CSMD3: variants seen among roughly 807,000 people sequenced by gnomAD.
The protein encoded by CSMD3 is CUB and sushi domain-containing protein 3.
A neutral mutation model predicts 435.2 loss-of-function variants in CSMD3; 177 were observed. The observed-to-expected ratio is 0.41, with a 90% CI of 0.36 to 0.46. CSMD3 has a LOEUF of 0.46. Ranked by LOEUF, CSMD3 falls within the 20% of genes least tolerant of loss-of-function variation. CSMD3 has a pLI of 0.34. For missense variants in CSMD3, 4,265 were observed against 4,504.6 expected, an observed-to-expected ratio of 0.95 and a Z score of 1.52; for synonymous variants, 1,656 against 1,520.5, an observed-to-expected ratio of 1.09 and a Z score of -2.07.
chr8:112,314,237 T>A (rs1329280487), intron 48 of CSMD3, among the ~76,000 whole-genome samples, 185 bp from the exon 49 acceptor site: 1 of 152,130 alleles, frequency 6.6e-6, no homozygotes, highest in African/African-American at 2.4e-5. Flanking sequence ...CTAAATGATG[T>A]ATAATTTGTA....
intron 10 of CSMD3, among the ~76,000 whole-genome samples, chr8:112,890,106 T>C (rs2081738959): frequency 6.6e-6 from 1 of 151,736 alleles, no homozygotes; most frequent in Non-Finnish European, 1.5e-5. Flanking sequence ...AGTAGTATAC[T>C]GTATTCAGTT....
chr8:113,080,012 G>A (rs2089492939), intron 5 of CSMD3, among the ~76,000 whole-genome samples: 1 of 151,970 alleles, frequency 6.6e-6, no homozygotes, highest in Non-Finnish European at 1.5e-5. Flanking sequence ...AACTTGCATG[G>A]CACCTTCTGC....
chr8:112,337,642 A>G lies in CSMD3; in HGVS notation c.6742T>C (p.Phe2248Leu). Residue 2248 changes from phenylalanine to leucine, a missense_variant, in exon 43 of 71, where the codon TTT (phenylalanine) becomes CTT (leucine). Phe to Leu is a conservative substitution (Grantham distance 22). Coordinates refer to ENST00000297405, the MANE Select transcript of CSMD3 (RefSeq NM_198123.2). ...AATGTGTATCCTGGGAAACATTCAA[A>G]TGAAATGGTTTGACCCACAGTAAAA... ...NDFTVGQTISFECFPGYTLIG... is the reference protein window; with the variant it reads ...NDFTVGQTISLECFPGYTLIG... 1 of 1,613,444 alleles carries G rather than the reference A, an allele frequency of 6.2e-7. No individual in the cohort carries two copies. Among genetic ancestry groups the G allele is most frequent in the Non-Finnish European group, 8.5e-7 (1 of 1,179,356 alleles).
chr8:112,953,665 ATAAT>A (rs1241267117), intron 8 of CSMD3, among the ~76,000 whole-genome samples: 3 of 151,428 alleles, frequency 2.0e-5, no homozygotes, highest in Non-Finnish European at 4.4e-5. Flanking sequence ...TTGTTTCTCG[ATAAT>A]TGATATAACT....
chr8:112,572,037 T>TA (rs769667339), intron 24 of CSMD3, among the ~76,000 whole-genome samples: 5,325 of 145,412 alleles, frequency 0.037, 150 homozygotes, highest in African/African-American at 0.081. Flanking sequence ...ACAGCATATT[T>TA]AAAAAAAAAA....
chr8:113,101,967 C>A (rs577214952), intron 4 of CSMD3, among the ~76,000 whole-genome samples: 2 of 152,138 alleles, frequency 1.3e-5, no homozygotes, highest in Admixed American at 1.3e-4. Context: ...CATAGCAGAA[C>A]ATACTACCTA....
At chr8:112,352,882 T>C (rs1443005147) in intron 38 of CSMD3, among the ~76,000 whole-genome samples, 1 of 152,138 alleles carries the variant, frequency 6.6e-6, no homozygotes. Context: ...AAAAATAATT[T>C]ATTATGATAA....
intron 3 of CSMD3, among the ~76,000 whole-genome samples, chr8:113,253,874 T>A (rs1049923699): frequency 2.6e-5 from 4 of 151,902 alleles, no homozygotes; most frequent in Admixed American, 2.6e-4. Context: ...AAATGAAACT[T>A]ATGTCCTCGC....
At chr8:112,674,187 C>A (rs2075721320) in intron 16 of CSMD3, among the ~76,000 whole-genome samples, 1 of 152,130 alleles carries the variant, frequency 6.6e-6, no homozygotes, top group African/African-American at 2.4e-5. Context: ...CAGATTCATT[C>A]CTCTACTTAC....
chr8:112,604,943 A>C (rs1005075590), intron 22 of CSMD3, among the ~76,000 whole-genome samples: 2 of 151,842 alleles, frequency 1.3e-5, no homozygotes, highest in East Asian at 1.9e-4. Flanking sequence ...GCAAAAAAAC[A>C]GACAACCTTA....
intron 23 of CSMD3, among the ~76,000 whole-genome samples, chr8:112,586,226 T>C (rs1488882698): frequency 6.6e-6 from 1 of 151,240 alleles, no homozygotes; most frequent in East Asian, 1.9e-4. Context: ...TGGAATAACA[T>C]AATTTTTTTT....
At chr8:112,609,662 G>T (rs1833100652) in intron 22 of CSMD3, among the ~76,000 whole-genome samples, 1 of 151,816 alleles carries the variant, frequency 6.6e-6, no homozygotes, top group Non-Finnish European at 1.5e-5. Context: ...ATCACTTCAG[G>T]GTATATAACC....
intron 11 of CSMD3, among the ~76,000 whole-genome samples, chr8:112,857,607 TG>T (rs1467979126): frequency 6.6e-6 from 1 of 151,810 alleles, no homozygotes. Context: ...GATAAGTCTT[TG>T]TACCTACACA....
intron 4 of CSMD3, among the ~76,000 whole-genome samples, chr8:113,135,353 C>G (rs1189798507): frequency 6.6e-6 from 1 of 151,820 alleles, no homozygotes; most frequent in Non-Finnish European, 1.5e-5. Flanking sequence ...AATGTGTCAG[C>G]TCAATTGCAA....
At chr8:112,952,137 G>T (rs910578768) in intron 8 of CSMD3, among the ~76,000 whole-genome samples, 3 of 149,970 alleles carry the variant, frequency 2.0e-5, no homozygotes, top group African/African-American at 7.3e-5. Flanking sequence ...GCAATTCAGA[G>T]TTCAGGTATA....
chr8:112,225,578 G>A (rs1384302190), intron 70 of CSMD3, among the ~76,000 whole-genome samples: 2 of 152,030 alleles, frequency 1.3e-5, no homozygotes, highest in Non-Finnish European at 2.9e-5. Flanking sequence ...ATTATAAGTC[G>A]GTTCCGCACA....
intron 4 of CSMD3, among the ~76,000 whole-genome samples, chr8:113,135,085 T>C (rs1055064997): frequency 6.6e-6 from 1 of 151,978 alleles, no homozygotes; most frequent in Non-Finnish European, 1.5e-5. Context: ...ATTGCTGTAC[T>C]AGGAATGAAA....
chr8:113,212,892 AATATAT>A (rs1396217685), intron 3 of CSMD3, among the ~76,000 whole-genome samples: 1 of 145,606 alleles, frequency 6.9e-6, no homozygotes, highest in Admixed American at 6.8e-5. Flanking sequence ...TATAATAAAA[AATATAT>A]ATATATATTA....
intron 3 of CSMD3, among the ~76,000 whole-genome samples, chr8:113,210,847 T>C (rs2092826281): frequency 6.6e-6 from 1 of 151,248 alleles, no homozygotes; most frequent in Non-Finnish European, 1.5e-5. Context: ...CGCTGCACTC[T>C]AGCCAGGGGC....
Sources: allele counts gnomAD v4.1 joint callset (sites outside exome capture counted in the v4.1 genomes callset), GRCh38; gene constraint gnomAD v4.1.1; transcripts MANE v1.5; gene names NCBI Gene and HGNC (gene_info 2026-07-23, HGNC 2026-07-21).